Variants in DACH1 observed in about 807,000 individuals in gnomAD.
DACH1 encodes the protein dachshund family transcription factor 1.
In DACH1, 12 loss-of-function variants were observed where a neutral mutation model predicts 54.2. The observed-to-expected ratio is 0.22, with a 90% CI of 0.14 to 0.36. The LOEUF (loss-of-function observed/expected upper bound fraction) is 0.36, where lower values mean the gene tolerates loss of function less well. Ranked by LOEUF, DACH1 falls within the 10% of genes least tolerant of loss-of-function variation. The pLI is 1.00. For missense variants in DACH1, 805 were observed against 929.8 expected, an observed-to-expected ratio of 0.87 and a Z score of 1.75; for synonymous variants, 386 against 366.2, an observed-to-expected ratio of 1.05 and a Z score of -0.62.
chr13:71,722,522 T>C (rs1883274713), intron 1 of DACH1, among the ~76,000 whole-genome samples: 1 of 152,148 alleles, frequency 6.6e-6, no homozygotes, highest in South Asian at 2.1e-4. Context: ...TTCCGGATAA[T>C]AATACTTGAA....
intron 3 of DACH1, among the ~76,000 whole-genome samples, chr13:71,629,767 A>C (rs188867681): frequency 1.6e-4 from 24 of 152,270 alleles, no homozygotes; most frequent in African/African-American, 5.8e-4. Context: ...TTCTCTTGTT[A>C]ATTATATTTT....
At chr13:71,497,859 GACACAC>G (rs6145114) in intron 6 of DACH1, among the ~76,000 whole-genome samples, 9,293 of 146,274 alleles carry the variant, frequency 0.064, 332 homozygotes, top group Middle Eastern at 0.12. Flanking sequence ...AATATGTGTT[GACACAC>G]ACACACACAC....
intron 1 of DACH1, among the ~76,000 whole-genome samples, chr13:71,718,301 C>A (rs937884864): frequency 2.0e-5 from 3 of 151,998 alleles, no homozygotes; most frequent in African/African-American, 7.2e-5. Context: ...AAGCTCTCTT[C>A]CGGCTGGGCA....
At chr13:71,832,767 G>T (rs1888642179) in intron 1 of DACH1, among the ~76,000 whole-genome samples, 2 of 151,794 alleles carry the variant, frequency 1.3e-5, no homozygotes, top group African/African-American at 4.8e-5. Flanking sequence ...CAGCCACCTA[G>T]GTTCAATTAA....
chr13:71,508,590 C>T (rs933982477), intron 6 of DACH1, among the ~76,000 whole-genome samples: 2 of 151,960 alleles, frequency 1.3e-5, no homozygotes, highest in Non-Finnish European at 1.5e-5. Flanking sequence ...CCTCAGCCTC[C>T]TAAGGAGCTG....
intron 6 of DACH1, among the ~76,000 whole-genome samples, chr13:71,510,014 G>A (rs1880650502): frequency 6.6e-6 from 1 of 151,836 alleles, no homozygotes; most frequent in Admixed American, 6.6e-5. Context: ...CAAATCCAAT[G>A]GTCAATTATC....
At chr13:71,719,743 T>C (rs1883143559) in intron 1 of DACH1, among the ~76,000 whole-genome samples, 1 of 152,048 alleles carries the variant, frequency 6.6e-6, no homozygotes, top group Non-Finnish European at 1.5e-5. Flanking sequence ...CATGAACCTG[T>C]AGTCCCAGCT....
chr13:71,858,525 T>C (rs1333975098), intron 1 of DACH1, among the ~76,000 whole-genome samples: 2 of 151,772 alleles, frequency 1.3e-5, no homozygotes, highest in Non-Finnish European at 3.0e-5. Context: ...CAAAATCCAC[T>C]TCAGGATTCT....
At chr13:71,746,078 C>A (rs1175533545) in intron 1 of DACH1, among the ~76,000 whole-genome samples, 2 of 151,966 alleles carry the variant, frequency 1.3e-5, no homozygotes, top group Non-Finnish European at 2.9e-5. Context: ...ATTAGCTGGG[C>A]GTGGTGGCAC....
intron 6 of DACH1, among the ~76,000 whole-genome samples, chr13:71,537,930 A>G (rs891334990): frequency 2.0e-5 from 3 of 152,156 alleles, no homozygotes; most frequent in Non-Finnish European, 2.9e-5. Flanking sequence ...TCATAAATAC[A>G]TGAGCCATGT....
chr13:71,492,602 C>T lies in DACH1; in HGVS notation c.1571-3454G>A, dbSNP rs552511403. 8.5e-5 allele frequency among the ~76,000 whole-genome samples: 13 copies of T among 152,124 alleles called. No individual in the cohort carries two copies. The South Asian group carries it at 1.5e-3, about 17-fold the overall frequency. On this transcript the variant is annotated intron_variant, in intron 6 of 10. Coordinates refer to ENST00000613252, the MANE Select transcript of DACH1 (RefSeq NM_080759.6). ...ATAATAAACTTCTGTTGTTTTAAGG[C>T]ACCAGGGTTAAGGTCATTTGTTATG...
At chr13:71,661,117 A>C (rs1161074840) in intron 2 of DACH1, among the ~76,000 whole-genome samples, 1 of 151,182 alleles carries the variant, frequency 6.6e-6, no homozygotes, top group African/African-American at 2.4e-5. Context: ...ATTACAAAGA[A>C]TAACAGTAAT....
intron 1 of DACH1, among the ~76,000 whole-genome samples, chr13:71,759,104 C>G (rs556203442): frequency 6.6e-5 from 10 of 151,996 alleles, no homozygotes; most frequent in African/African-American, 2.4e-4. Flanking sequence ...AATCTGTTAC[C>G]TTTTTTTCCC....
intron 1 of DACH1, among the ~76,000 whole-genome samples, chr13:71,745,518 T>C (rs74099119): frequency 0.017 from 2,521 of 152,350 alleles, 69 homozygotes; most frequent in African/African-American, 0.056. Context: ...CACAGAAGGC[T>C]AGATGAAACA....
In DACH1 at chr13:71,866,789, CAG is replaced by C. The variant is rs1874853878; in HGVS notation, c.-22_-21del. ...TGCCATGGTCACATATAAGGGGAAA[CAG>C]ACGGAGGAGAAGCGAGAGGAAAAGT... is the stretch of plus-strand genomic sequence containing the variant. On this transcript the variant is annotated 5_prime_UTR_variant, in exon 1 of 11. Transcript: ENST00000613252. 5.3e-6 allele frequency: 7 copies of C among 1,316,776 alleles called. No individual in the cohort carries two copies. Among genetic ancestry groups the C allele is most frequent in the Non-Finnish European group, 6.8e-6 (7 of 1,025,562 alleles). The allele number at this position is 1,316,776 out of a possible 1,614,324, so 81.6% of individuals were successfully genotyped here. A position where few individuals can be genotyped will look rare whatever the true frequency, so the allele number is the denominator to read the frequency against.
At chr13:71,454,437 T>A (rs1875368639) in intron 10 of DACH1, among the ~76,000 whole-genome samples, 1 of 152,198 alleles carries the variant, frequency 6.6e-6, no homozygotes, top group Admixed American at 6.5e-5. Flanking sequence ...GACTTGCTTC[T>A]AATGAGGAGA....
At chr13:71,794,432 C>G (rs1196910215) in intron 1 of DACH1, among the ~76,000 whole-genome samples, 1 of 152,088 alleles carries the variant, frequency 6.6e-6, no homozygotes, top group Non-Finnish European at 1.5e-5. Flanking sequence ...TAATAATGAG[C>G]AACCATTTTA....
At chr13:71,652,356 T>G (rs2138626287) in intron 2 of DACH1, among the ~76,000 whole-genome samples, 1 of 152,276 alleles carries the variant, frequency 6.6e-6, no homozygotes, top group African/African-American at 2.4e-5. Flanking sequence ...CTTGCACATT[T>G]TTGGCATTAC....
At chr13:71,589,482 A>G (rs989540835) in intron 3 of DACH1, among the ~76,000 whole-genome samples, 1 of 151,954 alleles carries the variant, frequency 6.6e-6, no homozygotes, top group African/African-American at 2.4e-5. Flanking sequence ...TATTTTGATA[A>G]ACATAGTAAA....
Sources: gnomAD v4.1 joint callset for allele counts (sites outside exome capture counted in the v4.1 genomes callset) on GRCh38, gnomAD v4.1.1 for gene constraint, MANE v1.5 for transcripts, NCBI Gene and HGNC (gene_info 2026-07-23, HGNC 2026-07-21) for gene names.